ZNF2: variants seen among roughly 807,000 people sequenced by gnomAD.
ZNF2 encodes the protein zinc finger protein 2.2.
ZNF2 carries 12 observed loss-of-function variants against 21.9 expected under a neutral mutation model. The ratio of observed to expected loss-of-function variants is 0.55; its 90% CI spans 0.35 to 0.89. The LOEUF (loss-of-function observed/expected upper bound fraction) is 0.89. ZNF2 is among the 40% of genes least tolerant of loss of function. ZNF2 has a pLI of 0.01. For missense variants in ZNF2, 462 were observed against 544.2 expected, an observed-to-expected ratio of 0.85 and a Z score of 1.50; for synonymous variants, 186 against 196.3, an observed-to-expected ratio of 0.95 and a Z score of 0.44.
chr2:95,180,570 C>T (rs979679394), intron 4 of ZNF2, among the ~76,000 whole-genome samples: 5 of 149,786 alleles, frequency 3.3e-5, no homozygotes, highest in Admixed American at 2.0e-4. Flanking sequence ...AGTGCAATGG[C>T]GCTATCTCAG....
In ZNF2 at chr2:95,177,377, T is replaced by C. The variant is rs532263440; in HGVS notation, c.34-106T>C. ...TTCTACTCAGTCAGAACTGTTTTTC[T>C]TTCCTCCCACCATGCGTCCTCCAGG... On this transcript the variant is annotated intron_variant, in intron 2 of 4. Transcript: ENST00000614034. The C allele has an allele frequency of 1.6e-5, 22 of 1,374,394 alleles. No individual in the cohort carries two copies. In the East Asian group the frequency reaches 5.2e-4, roughly 32 times the overall value. The allele number at this position is 1,374,394 out of a possible 1,614,324, so 85.1% of individuals were successfully genotyped here.
Position 95,171,310 on chromosome 2 carries a change from G to T in ZNF2, c.-39-4878G>T, listed in dbSNP as rs188532522. 1.9e-4 allele frequency among the ~76,000 whole-genome samples: 29 copies of T among 151,696 alleles called. No homozygotes were observed. In the East Asian group the frequency reaches 5.6e-3, roughly 29 times the overall value. ...GTTATCCATGCCGCATTGGTAACCC[G>T]GGCGTCATCTTTGCCCTCATCACCT... On this transcript the variant is annotated intron_variant, in intron 1 of 4. Coordinates refer to ENST00000614034, the MANE Select transcript of ZNF2 (RefSeq NM_021088.4).
intron 1 of ZNF2, among the ~76,000 whole-genome samples, chr2:95,170,249 G>A (rs1674224839): frequency 6.6e-6 from 1 of 152,160 alleles, no homozygotes; most frequent in African/African-American, 2.4e-5. Context: ...TTCTGTTTGT[G>A]TTTATATCTG....
chr2:95,174,205 A>C, intron 1 of ZNF2, among the ~76,000 whole-genome samples: 1 of 152,250 alleles, frequency 6.6e-6, no homozygotes. Context: ...ATGAGTCATA[A>C]AAAGCTGTGT....
intron 1 of ZNF2, among the ~76,000 whole-genome samples, chr2:95,175,376 G>A (rs1279598088): frequency 6.6e-6 from 1 of 152,176 alleles, no homozygotes; most frequent in Admixed American, 6.5e-5. Context: ...GAATTCTTAG[G>A]TCTTTGCGTC....
chr2:95,179,673 C>A (rs1674569574), intron 3 of ZNF2, among the ~76,000 whole-genome samples: 1 of 152,206 alleles, frequency 6.6e-6, no homozygotes. Flanking sequence ...TTTATAGCCT[C>A]AGTCCTGGCC....
At chr2:95,168,505 TA>T (rs1490824192) in intron 1 of ZNF2, among the ~76,000 whole-genome samples, 1 of 151,182 alleles carries the variant, frequency 6.6e-6, no homozygotes, top group East Asian at 1.9e-4. Flanking sequence ...GAACCCAGGG[TA>T]TAGGACACAA....
intron 1 of ZNF2, among the ~76,000 whole-genome samples, chr2:95,172,322 A>T (rs541377494): frequency 6.6e-6 from 1 of 152,282 alleles, no homozygotes; most frequent in South Asian, 2.1e-4. Context: ...CTCAAAATCG[A>T]AGTTTCCAGC....
intron 4 of ZNF2, among the ~76,000 whole-genome samples, 200 bp downstream of exon 4, chr2:95,180,472 C>T (rs1674600645): frequency 6.6e-6 from 1 of 151,228 alleles, no homozygotes; most frequent in South Asian, 2.1e-4. Context: ...GTGTTACTTT[C>T]TCACGTCTGT....
chr2:95,172,377 C>G (rs1674303732), intron 1 of ZNF2, among the ~76,000 whole-genome samples: 1 of 152,138 alleles, frequency 6.6e-6, no homozygotes, highest in Non-Finnish European at 1.5e-5. Flanking sequence ...CTAGGAATAG[C>G]AGTCTCAGGT....
Position 95,177,582 on chromosome 2 carries a change from G to A in ZNF2, c.133G>A (p.Glu45Lys), listed in dbSNP as rs1475666705. ...QRDLYKEVML[E>K]NYNSIVSLGL... ...GGACCTCTACAAGGAGGTGATGCTG[G>A]AGAACTATAACAGCATTGTGTCATT... is the stretch of plus-strand genomic sequence containing the variant. Residue 45 changes from glutamate (E) to lysine (K), a missense_variant, in exon 3 of 5, where the codon GAG becomes AAG. Coordinates refer to ENST00000614034, the MANE Select transcript of ZNF2 (RefSeq NM_021088.4). 3 of 1,613,902 alleles carry A rather than the reference G, an allele frequency of 1.9e-6. No individual in the cohort carries two copies.
chr2:95,181,904 A>T lies in ZNF2; in HGVS notation c.1076A>T (p.His359Leu), dbSNP rs1216556409. The T allele has an allele frequency of 1.9e-6, 3 of 1,614,014 alleles. No homozygotes were observed. The highest frequency in any genetic ancestry group is 1.3e-5 in the African/African-American group (1 of 74,922). The change falls in exon 5 of 5, where the codon CAT (histidine) becomes CTT (leucine). Residue 359 changes from histidine to leucine, a missense_variant. His to Leu is a moderately conservative substitution (Grantham distance 99). Coordinates refer to ENST00000614034, the MANE Select transcript of ZNF2 (RefSeq NM_021088.4). Reference protein sequence around the residue: ...AFFDRSSLTQHQKIHTGDKPY... With the variant: ...AFFDRSSLTQLQKIHTGDKPY... ...TTTGACCGCTCATCCCTTACACAGC[A>T]TCAGAAGATCCACACTGGAGACAAG...
chr2:95,173,721 T>C (rs1244376843), intron 1 of ZNF2, among the ~76,000 whole-genome samples: 1 of 152,226 alleles, frequency 6.6e-6, no homozygotes, highest in Non-Finnish European at 1.5e-5. Context: ...TTTGGTTTGG[T>C]TTGTTTGAGA....
chr2:95,176,910 A>G (rs1674461718), intron 2 of ZNF2, among the ~76,000 whole-genome samples: 1 of 23,450 alleles, frequency 4.3e-5, no homozygotes, highest in South Asian at 1.9e-3. Flanking sequence ...CCATTATTCT[A>G]AGGATTTGTA....
chr2:95,175,493 G>A (rs1674410548), intron 1 of ZNF2, among the ~76,000 whole-genome samples: 1 of 152,156 alleles, frequency 6.6e-6, no homozygotes, highest in Non-Finnish European at 1.5e-5. Flanking sequence ...GTGCCCATGG[G>A]TTCTGCTGCT....
At chr2:95,177,774 A>G (rs979995050) in intron 3 of ZNF2, among the ~76,000 whole-genome samples, 165 bp downstream of exon 3, 3 of 152,198 alleles carry the variant, frequency 2.0e-5, no homozygotes, top group Non-Finnish European at 4.4e-5. Flanking sequence ...GGCGGGCTCA[A>G]TACTGAACCC....
intron 1 of ZNF2, among the ~76,000 whole-genome samples, chr2:95,175,721 A>G (rs1197840738): frequency 2.0e-5 from 3 of 152,216 alleles, no homozygotes; most frequent in Non-Finnish European, 2.9e-5. Flanking sequence ...ACAGGGTCAC[A>G]TGGTACAAAA....
chr2:95,169,057 G>A (rs1194650092), intron 1 of ZNF2, among the ~76,000 whole-genome samples: 1 of 152,206 alleles, frequency 6.6e-6, no homozygotes, highest in Non-Finnish European at 1.5e-5. Context: ...CACAGAAGTG[G>A]AGGTGGTTCT....
Position 95,181,790 on chromosome 2 carries a change from C to T in ZNF2, c.962C>T (p.Ala321Val), listed in dbSNP as rs763109232. ...KPYECNECGK[A>V]FYGVSSLNRH... Reference sequence around the variant, plus strand: ...TATGAGTGTAACGAGTGCGGGAAAGCTTTCTATGGTGTCTCGTCTCTGAAT... The same window carrying T: ...TATGAGTGTAACGAGTGCGGGAAAGTTTTCTATGGTGTCTCGTCTCTGAAT... Residue 321 changes from alanine to valine, a missense_variant, in exon 5 of 5, where the codon GCT (alanine) becomes GTT (valine). By Grantham distance (64) the Ala-to-Val change is moderately conservative. Transcript: ENST00000614034. 3.1e-6 allele frequency: 5 copies of T among 1,614,080 alleles called. No individual in the cohort carries two copies. The African/African-American group carries it at 4.0e-5, about 13-fold the overall frequency.
Sources: gnomAD v4.1 joint callset for allele counts (sites outside exome capture counted in the v4.1 genomes callset) on GRCh38, gnomAD v4.1.1 for gene constraint, MANE v1.5 for transcripts, NCBI Gene and HGNC (gene_info 2026-07-23, HGNC 2026-07-21) for gene names.